Variants in LINGO1 observed in about 807,000 individuals in gnomAD.
LINGO1 encodes leucine rich repeat and Ig domain containing 1, also known as leucine-rich repeat and immunoglobulin-like domain-containing nogo receptor-interacting protein 1.
In LINGO1, 11 loss-of-function variants were observed where a neutral mutation model predicts 37.3. The observed-to-expected ratio is 0.29, with a 90% CI of 0.19 to 0.49. The LOEUF is 0.49. Ranked by LOEUF, LINGO1 falls within the 20% of genes least tolerant of loss-of-function variation. LINGO1 has a pLI of 0.99. For missense variants in LINGO1, 585 were observed against 878.2 expected, an observed-to-expected ratio of 0.67 and a Z score of 4.22; for synonymous variants, 387 against 403.0, an observed-to-expected ratio of 0.96 and a Z score of 0.48.
chr15:77,613,813 T>C lies in LINGO1; in HGVS notation c.*231A>G. 1 of 548,978 alleles carries C rather than the reference T, an allele frequency of 1.8e-6. No homozygotes were observed. The highest frequency in any genetic ancestry group is 3.2e-6 in the Non-Finnish European group (1 of 309,836). 34.0% of individuals were successfully genotyped at this position (548,978 alleles called of 1,614,324 possible). A position where few individuals can be genotyped will look rare whatever the true frequency, so the allele number is the denominator to read the frequency against. On this transcript the variant is annotated 3_prime_UTR_variant, in exon 2 of 2. Transcript: ENST00000355300. ...TTCGTCGGCTTTCAACTCCAGTCTG[T>C]CAATGCCCCTGTGTAGGTGGGGTCC...
At chr15:77,666,134 G>A (rs538785790) in intron 3 of LINGO1, among the ~76,000 whole-genome samples, 16 of 152,194 alleles carry the variant, frequency 1.1e-4, no homozygotes, top group Non-Finnish European at 1.6e-4. Flanking sequence ...ATGAATGAGT[G>A]AATGAATGAA....
upstream of LINGO1, among the ~76,000 whole-genome samples, chr15:77,700,085 G>T (rs1183036712): frequency 6.6e-6 from 1 of 152,174 alleles, no homozygotes; most frequent in East Asian, 1.9e-4. Context: ...GGTGGCTGGG[G>T]AACCAGCAGA....
At chr15:77,759,949 G>A (rs2076457996) in intron 1 of LINGO1, among the ~76,000 whole-genome samples, 1 of 152,256 alleles carries the variant, frequency 6.6e-6, no homozygotes, top group South Asian at 2.1e-4. Context: ...CTCACCTGGT[G>A]CCAGCCAGGG....
intron 1 of LINGO1, among the ~76,000 whole-genome samples, chr15:77,755,981 G>T (rs2076414816): frequency 6.6e-6 from 1 of 151,854 alleles, no homozygotes; most frequent in African/African-American, 2.4e-5. Flanking sequence ...TGGGAGCAGG[G>T]TCTCCTCCCC....
chr15:77,767,030 G>A (rs759953635), intron 1 of LINGO1, among the ~76,000 whole-genome samples: 61 of 152,290 alleles, frequency 4.0e-4, no homozygotes, highest in South Asian at 8.3e-4. Flanking sequence ...GTTAACTGGG[G>A]TTCCAGAAAA....
In LINGO1 at chr15:77,615,805, C is replaced by G; in HGVS notation, c.102G>C (p.Val34=). ...QPILLLVLGS[V]LSGSATGCPP... ...GGCAGCCCGTGGCCGAGCCTGACAG[C>G]ACTGAGCCCAGCACCAGCAGGAGGA... is the stretch of plus-strand genomic sequence containing the variant. The change falls in exon 2 of 2, where the codon GTG becomes GTC. Residue 34 remains valine, a synonymous_variant. Transcript: ENST00000355300. The G allele has an allele frequency of 6.4e-7, 1 of 1,556,990 alleles. No homozygotes were observed. Among genetic ancestry groups the G allele is most frequent in the Admixed American group, 1.8e-5 (1 of 54,568 alleles).
At chr15:77,777,880 G>T (rs1228430922) in intron 1 of LINGO1, among the ~76,000 whole-genome samples, 2 of 149,472 alleles carry the variant, frequency 1.3e-5, no homozygotes, top group African/African-American at 4.9e-5. Flanking sequence ...CCATGATTGT[G>T]CCACTGTATT....
At position 77,615,538 on chromosome 15, in the gene LINGO1, C is replaced by T. The variant is rs775639227; in HGVS notation, c.369G>A (p.Thr123=). The T allele has an allele frequency of 5.0e-6, 8 of 1,613,444 alleles. No homozygotes were observed. The highest frequency in any genetic ancestry group is 2.2e-5 in the East Asian group (1 of 44,896). ...TCAGGCGGTTGCTGCGGAGACCCAG[C>T]GTCCGGAGGTTGAAGAGGTTGTTGA... ...GAFNNLFNLR[T]LGLRSNRLKL... Residue 123 remains threonine, a synonymous_variant, in exon 2 of 2, where the codon ACG becomes ACA. Transcript: ENST00000355300.
chr15:77,628,268 C>A (rs1387897623), intron 1 of LINGO1, among the ~76,000 whole-genome samples: 2 of 152,176 alleles, frequency 1.3e-5, no homozygotes, highest in African/African-American at 4.8e-5. Flanking sequence ...AGGTTCCTGG[C>A]AGCATTGTTT....
At chr15:77,647,383 A>G (rs1349695624) in intron 3 of LINGO1, among the ~76,000 whole-genome samples, 2 of 142,092 alleles carry the variant, frequency 1.4e-5, no homozygotes, top group Admixed American at 1.4e-4. Context: ...CAGAGCTGGA[A>G]GAGAAGGGAA....
In LINGO1 at chr15:77,632,767, C is replaced by T. The variant is rs2074301876; in HGVS notation, c.-452G>A. Among the ~76,000 whole-genome samples the T allele has an allele frequency of 6.9e-6, 1 of 145,834 alleles. No homozygotes were observed. Among genetic ancestry groups the T allele is most frequent in the Non-Finnish European group, 1.5e-5 (1 of 65,748 alleles). ...CGTCGGGAGAGGGGCCGGAGCGGCG[C>T]GGGTGGGGACTCCGCGCCCTCCGGG... is the stretch of plus-strand genomic sequence containing the variant. On this transcript the variant is annotated 5_prime_UTR_variant, in exon 1 of 2. Transcript: ENST00000355300. The surrounding 1 kb of genome is among the most constrained non-coding windows in gnomAD (Gnocchi z 6.0).
At chr15:77,722,946 G>T (rs2076065214) in intron 2 of LINGO1, among the ~76,000 whole-genome samples, 1 of 152,182 alleles carries the variant, frequency 6.6e-6, no homozygotes, top group Non-Finnish European at 1.5e-5. Context: ...CCGGGGCTGG[G>T]CCTTCACAGC....
At chr15:77,705,974 C>T (rs949005522) in intron 2 of LINGO1, among the ~76,000 whole-genome samples, 6 of 152,204 alleles carry the variant, frequency 3.9e-5, no homozygotes, top group Admixed American at 2.6e-4. Flanking sequence ...TGGGTCCCAC[C>T]CTGGCTTGGA....
At chr15:77,780,147 C>G (rs1476320552) in intron 1 of LINGO1, among the ~76,000 whole-genome samples, 1 of 152,290 alleles carries the variant, frequency 6.6e-6, no homozygotes, top group Non-Finnish European at 1.5e-5. Context: ...GTATGAACAC[C>G]AAGAACAAAA....
intron 1 of LINGO1, among the ~76,000 whole-genome samples, chr15:77,774,320 C>T (rs1014627558): frequency 1.1e-4 from 16 of 152,022 alleles, no homozygotes; most frequent in African/African-American, 3.4e-4. Context: ...ACTCTGCCAA[C>T]AGCCCTCAGC....
intron 2 of LINGO1, among the ~76,000 whole-genome samples, chr15:77,712,516 C>T (rs563993293): frequency 7.9e-4 from 120 of 152,272 alleles, no homozygotes; most frequent in African/African-American, 2.7e-3. Context: ...ATGACCCCAC[C>T]GTGGAGGCTG....
At chr15:77,732,530 C>T (rs755233392) in intron 2 of LINGO1, among the ~76,000 whole-genome samples, 4 of 152,220 alleles carry the variant, frequency 2.6e-5, no homozygotes, top group Non-Finnish European at 2.9e-5. Context: ...CCAGCAAATG[C>T]ACCCATCCAA....
intron 3 of LINGO1, among the ~76,000 whole-genome samples, chr15:77,650,227 T>C (rs936246694): frequency 2.5e-4 from 38 of 152,322 alleles, no homozygotes; most frequent in African/African-American, 8.9e-4. Flanking sequence ...TGTACATGCA[T>C]GTATGTGTGT....
intron 1 of LINGO1, among the ~76,000 whole-genome samples, chr15:77,738,998 G>C (rs2076232777): frequency 6.6e-6 from 1 of 152,282 alleles, no homozygotes; most frequent in Admixed American, 6.5e-5. Flanking sequence ...AGCTGGCGCA[G>C]CAGCGCACAC....
Sources: allele counts gnomAD v4.1 joint callset (sites outside exome capture counted in the v4.1 genomes callset), GRCh38; gene constraint gnomAD v4.1.1; non-coding constraint Gnocchi (gnomAD v3.1); transcripts MANE v1.5; gene names NCBI Gene and HGNC (gene_info 2026-07-23, HGNC 2026-07-21).